S100A2: variants seen among roughly 807,000 people sequenced by gnomAD.
The protein encoded by S100A2 is S100 calcium binding protein A2.
In S100A2, 5 loss-of-function variants were observed where a neutral mutation model predicts 4.3. The observed-to-expected ratio is 1.16, with a 90% CI of 0.61 to 2.44. The LOEUF is 2.44. Ranked by LOEUF, S100A2 falls within the 30% of genes most tolerant of loss-of-function variation. The pLI, the probability that S100A2 is intolerant of heterozygous loss-of-function variation, is 0.01. For missense variants in S100A2, 103 were observed against 114.7 expected (o/e 0.90, Z 0.47); for synonymous variants, 44 against 46.0 (o/e 0.96, Z 0.17).
rs201489197 is a variant in S100A2, at chr1:153,561,604, G to A, written c.145-13C>T. On this transcript the variant is annotated splice_polypyrimidine_tract_variant and intron_variant, in intron 2 of 2. Transcript: ENST00000368708. ...CATCCACTTTCTCCTGAAAGTGACA[G>A]GAAATACACTCATCACCAAGCCAGC... The A allele has an allele frequency of 8.7e-6, 14 of 1,613,946 alleles. No homozygotes were observed. The highest frequency in any genetic ancestry group is 1.7e-5 in the Admixed American group (1 of 60,000).
chr1:153,561,718 G>T (rs1031681079), intron 2 of S100A2, 127 bp from the exon 3 acceptor site: 2 of 1,346,624 alleles, frequency 1.5e-6, no homozygotes, highest in Non-Finnish European at 2.1e-6. Flanking sequence ...TGGGTATAAG[G>T]TGGGCAGGAG....
At position 153,562,883 on chromosome 1, in the gene S100A2, G is replaced by A. The variant is rs924950438; in HGVS notation, c.144+851C>T. On this transcript the variant is annotated intron_variant, in intron 2 of 2. Transcript: ENST00000368708. The stretch of plus-strand genomic sequence containing the variant: ...ATACTCCTGTAGTTCCAACTACTTG[G>A]GAGGATTGCTTGAGCCCAGGAGTTC... Among the ~76,000 whole-genome samples, 146 of 151,426 alleles carry A rather than the reference G, an allele frequency of 9.6e-4. 1 individual carries two copies. Among genetic ancestry groups the A allele is most frequent in the Non-Finnish European group, 2.2e-4 (15 of 67,908 alleles).
chr1:153,561,646 C>A (rs1665898079), intron 2 of S100A2, 55 bp from the exon 3 acceptor site: 2 of 1,612,320 alleles, frequency 1.2e-6, no homozygotes, highest in Admixed American at 1.7e-5. Flanking sequence ...CCCAGCTCCA[C>A]CAAACACCCA....
Position 153,562,466 on chromosome 1 carries a change from C to T in S100A2, c.145-875G>A, listed in dbSNP as rs182714095. The stretch of plus-strand genomic sequence containing the variant: ...TGAAAAACACTTTTTTAATACTAGC[C>T]GAAATAATTAGAAAAATTTAACCAG... On this transcript the variant is annotated intron_variant, in intron 2 of 2. Coordinates refer to ENST00000368708, the MANE Select transcript of S100A2 (RefSeq NM_005978.4). Among the ~76,000 whole-genome samples the T allele has an allele frequency of 2.4e-4, 36 of 151,870 alleles. No individual in the cohort carries two copies. The East Asian group carries it at 3.3e-3, about 14-fold the overall frequency.
chr1:153,562,969 CAA>C (rs35473116), intron 2 of S100A2, among the ~76,000 whole-genome samples: 22 of 94,510 alleles, frequency 2.3e-4, no homozygotes, highest in African/African-American at 3.8e-4. Context: ...CCCCCCACCA[CAA>C]AAAAAAAAAA....
Position 153,562,153 on chromosome 1 carries a change from G to T in S100A2, c.145-562C>A, listed in dbSNP as rs1338588494. Among the ~76,000 whole-genome samples the T allele has an allele frequency of 2.6e-5, 4 of 152,030 alleles. 1 individual carries two copies. Among genetic ancestry groups the T allele is most frequent in the African/African-American group, 7.2e-5 (3 of 41,394 alleles). ...ATTGTTTATTTTTAGTAGAGACAAG[G>T]CCTCGCTATGTTGCCTAGGCTGGTC... On this transcript the variant is annotated intron_variant, in intron 2 of 2. Transcript: ENST00000368708.
intron 2 of S100A2, among the ~76,000 whole-genome samples, chr1:153,563,023 C>T (rs1235599677): frequency 6.6e-6 from 1 of 150,724 alleles, no homozygotes; most frequent in Non-Finnish European, 1.5e-5. Flanking sequence ...CCTGTAAGCC[C>T]AGCACTTTCA....
In S100A2 at chr1:153,563,869, G is replaced by C. The variant is rs374712470; in HGVS notation, c.9C>G (p.Cys3Trp). MM[C>W]SSLEQALAVL... ...CAGCCAGCGCCTGCTCCAGAGAACTGCACATCATGGATCTGTGGCTGCAGA... is the reference window on the plus strand; with the variant it reads ...CAGCCAGCGCCTGCTCCAGAGAACTCCACATCATGGATCTGTGGCTGCAGA... Residue 3 changes from cysteine (C) to tryptophan (W), a missense_variant, in exon 2 of 3, where the codon TGC (cysteine) becomes TGG (tryptophan). Transcript: ENST00000368708. 6 of 1,613,850 alleles carry C rather than the reference G, an allele frequency of 3.7e-6. No homozygotes were observed. The highest frequency in any genetic ancestry group is 1.7e-5 in the Admixed American group (1 of 59,982).
chr1:153,564,962 G>A (rs1469872901), intron 1 of S100A2, among the ~76,000 whole-genome samples: 1 of 151,408 alleles, frequency 6.6e-6, no homozygotes, highest in Non-Finnish European at 1.5e-5. Context: ...GAGATATCCA[G>A]GGGAGGGCCT....
chr1:153,562,879 C>G (rs1665925460), intron 2 of S100A2, among the ~76,000 whole-genome samples: 1 of 148,500 alleles, frequency 6.7e-6, no homozygotes, highest in African/African-American at 2.5e-5. Context: ...GTTCCAACTA[C>G]TTGGGAGGAT....
chr1:153,561,619 A>G, intron 2 of S100A2, 28 bp from the exon 3 acceptor site: 1 of 1,613,634 alleles, frequency 6.2e-7, no homozygotes, highest in Non-Finnish European at 8.5e-7. Flanking sequence ...TACACTCATC[A>G]CCAAGCCAGC....
chr1:153,563,707 C>T, intron 2 of S100A2, 27 bp downstream of exon 2: 1 of 1,602,662 alleles, frequency 6.2e-7, no homozygotes, highest in Non-Finnish European at 8.5e-7. Flanking sequence ...CACACCAGGA[C>T]CTCCCCCACA....
At position 153,561,607 on chromosome 1, in the gene S100A2, A is replaced by G. The variant is rs1381462964; in HGVS notation, c.145-16T>C. The G allele has an allele frequency of 6.2e-7, 1 of 1,614,040 alleles. No homozygotes were observed. On this transcript the variant is annotated splice_polypyrimidine_tract_variant and intron_variant, in intron 2 of 2. Coordinates refer to ENST00000368708, the MANE Select transcript of S100A2 (RefSeq NM_005978.4). ...CCACTTTCTCCTGAAAGTGACAGGA[A>G]ATACACTCATCACCAAGCCAGCCCC...
rs367581175 is a variant in S100A2 at position 153,563,372 on chromosome 1, CAAAAAAAAA to C, written c.144+353_144+361del. 162 of 1,281,590 alleles carry C rather than the reference CAAAAAAAAA, an allele frequency of 1.3e-4. 1 individual carries two copies. The African/African-American group carries it at 2.7e-3, about 21-fold the overall frequency. 79.4% of individuals were successfully genotyped at this position (1,281,590 alleles called of 1,614,324 possible). On this transcript the variant is annotated intron_variant, in intron 2 of 2. Coordinates refer to ENST00000368708, the MANE Select transcript of S100A2 (RefSeq NM_005978.4). ...GGGCAACAAGAGGGAAACTCCATCTCAAAAAAAAAAAAAAGAAAAGAAAAGAGAGAGAGA... is the reference window on the plus strand; with the variant it reads ...GGGCAACAAGAGGGAAACTCCATCTCAAAAAGAAAAGAAAAGAGAGAGAGA...
chr1:153,564,854 CAAA>C (rs56666936), intron 1 of S100A2, among the ~76,000 whole-genome samples: 1 of 54,798 alleles, frequency 1.8e-5, no homozygotes, highest in South Asian at 1.2e-3. Context: ...CAGGACTTTG[CAAA>C]AAAAAAAAAA....
intron 1 of S100A2, 25 bp from the exon 2 acceptor site, chr1:153,563,912 A>G: frequency 6.2e-7 from 1 of 1,608,686 alleles, no homozygotes; most frequent in Non-Finnish European, 8.5e-7. Context: ...GGTGATGGGT[A>G]CACTGCTGAG....
In S100A2 at chr1:153,561,294, T is replaced by A. The variant is rs1665888553; in HGVS notation, c.*145A>T. The A allele has an allele frequency of 9.9e-7, 1 of 1,008,764 alleles. No homozygotes were observed. 62.5% of individuals were successfully genotyped at this position (1,008,764 alleles called of 1,614,324 possible). On this transcript the variant is annotated 3_prime_UTR_variant, in exon 3 of 3. Coordinates refer to ENST00000368708, the MANE Select transcript of S100A2 (RefSeq NM_005978.4). ...CCAGGAGGCCCTCATCTCCCAGCAC[T>A]CCAGCTGAGCCAGCCGGGTTATGGA...
chr1:153,564,200 G>A, intron 1 of S100A2: 1 of 260,540 alleles, frequency 3.8e-6, no homozygotes, highest in Non-Finnish European at 7.3e-6. Flanking sequence ...GAAATGACAG[G>A]GTGACCAGAG....
chr1:153,563,372 CAA>C (rs367581175), intron 2 of S100A2: 4,318 of 1,236,916 alleles, frequency 3.5e-3, no homozygotes, highest in South Asian at 5.1e-3. Flanking sequence ...AACTCCATCT[CAA>C]AAAAAAAAAA....
Sources: gnomAD v4.1 joint callset for allele counts (sites outside exome capture counted in the v4.1 genomes callset) on GRCh38, gnomAD v4.1.1 for gene constraint, MANE v1.5 for transcripts, NCBI Gene and HGNC (gene_info 2026-07-23, HGNC 2026-07-21) for gene names.